The following CALN1 variants were observed in gnomAD, a reference collection of about 807,000 sequenced individuals.
The protein encoded by CALN1 is calcium-binding protein 8.
A neutral mutation model predicts 30.6 loss-of-function variants in CALN1; 17 were observed. That is an observed-to-expected ratio of 0.56 (90% CI 0.38 to 0.83). The LOEUF (loss-of-function observed/expected upper bound fraction) is 0.83. Ranked by LOEUF, CALN1 falls within the 40% of genes least tolerant of loss-of-function variation. The probability of loss-of-function intolerance (pLI) is 0.00; values close to 1 mark genes in which losing one functional copy is unlikely to be tolerated. For missense variants in CALN1, 291 were observed against 354.9 expected, an observed-to-expected ratio of 0.82 and a Z score of 1.45; for synonymous variants, 156 against 131.4, an observed-to-expected ratio of 1.19 and a Z score of -1.28.
chr7:72,080,653 A>C (rs1805074047), intron 4 of CALN1, among the ~76,000 whole-genome samples: 1 of 152,064 alleles, frequency 6.6e-6, no homozygotes, highest in Non-Finnish European at 1.5e-5. Context: ...AGAATGAGGA[A>C]GTGCCTGCTG....
At chr7:72,459,424 T>C in the CALN1 span, among the ~76,000 whole-genome samples, 3 of 152,076 alleles carry the variant, frequency 2.0e-5, no homozygotes, top group African/African-American at 7.2e-5. Context: ...TTCCTGACAT[T>C]GCCAAAATTT....
intron 2 of CALN1, among the ~76,000 whole-genome samples, chr7:72,286,519 C>T (rs915935305): frequency 1.3e-5 from 2 of 152,134 alleles, no homozygotes; most frequent in African/African-American, 4.8e-5. Context: ...CCTCAAATAA[C>T]CCAGAAATAT....
At chr7:72,244,750 G>A (rs1795054974) in intron 3 of CALN1, among the ~76,000 whole-genome samples, 2 of 151,900 alleles carry the variant, frequency 1.3e-5, no homozygotes, top group Non-Finnish European at 2.9e-5. Flanking sequence ...TAGCTTGCAG[G>A]CAGAAAAATG....
chr7:72,155,722 C>T (rs1585054258), intron 3 of CALN1, among the ~76,000 whole-genome samples: 3 of 152,234 alleles, frequency 2.0e-5, no homozygotes, highest in Middle Eastern at 3.4e-3. Flanking sequence ...ATTACCCTAA[C>T]TCTATGGCTT....
intron 5 of CALN1, among the ~76,000 whole-genome samples, chr7:71,868,482 C>T (rs1349359002): frequency 1.3e-5 from 2 of 151,774 alleles, no homozygotes; most frequent in Non-Finnish European, 2.9e-5. Flanking sequence ...AGCAATTCTC[C>T]TACCTCTGCC....
chr7:72,447,642 T>C (rs1808568622), upstream of CALN1, among the ~76,000 whole-genome samples: 1 of 152,066 alleles, frequency 6.6e-6, no homozygotes, highest in African/African-American at 2.4e-5. Context: ...CACACACGCC[T>C]ACCCATGTAC....
intron 5 of CALN1, among the ~76,000 whole-genome samples, chr7:71,991,054 G>C (rs559783626): frequency 2.2e-4 from 33 of 150,976 alleles, no homozygotes; most frequent in Admixed American, 9.2e-4. Flanking sequence ...AGTGAGGGGG[G>C]GGGTCGACAA....
intron 5 of CALN1, among the ~76,000 whole-genome samples, chr7:72,001,381 G>T (rs1367077899): frequency 6.6e-6 from 1 of 152,186 alleles, no homozygotes; most frequent in Non-Finnish European, 1.5e-5. Context: ...ACAGGTGCAT[G>T]ACCTTCTAGG....
chr7:72,059,481 TCA>T (rs1489080962), intron 4 of CALN1, among the ~76,000 whole-genome samples: 1 of 152,068 alleles, frequency 6.6e-6, no homozygotes, highest in African/African-American at 2.4e-5. Context: ...AGCCAGTAAG[TCA>T]ATACTTCAGG....
chr7:72,196,712 G>A (rs758059513), intron 3 of CALN1, among the ~76,000 whole-genome samples: 5 of 152,276 alleles, frequency 3.3e-5, no homozygotes, highest in Middle Eastern at 3.4e-3. Flanking sequence ...ATGCAAATAC[G>A]TGTTCACATA....
upstream of CALN1, among the ~76,000 whole-genome samples, chr7:72,451,188 G>GAGA (rs758368072): frequency 0.049 from 6,110 of 124,976 alleles, 276 homozygotes; most frequent in African/African-American, 0.088. Context: ...GCAGGAGGAG[G>GAGA]AGAAGAAGAA....
chr7:71,937,855 C>T (rs931339788), intron 5 of CALN1, among the ~76,000 whole-genome samples: 5 of 152,232 alleles, frequency 3.3e-5, no homozygotes, highest in Non-Finnish European at 2.9e-5. Flanking sequence ...AAAAAGCAAT[C>T]TATGTTCCAT....
intron 5 of CALN1, among the ~76,000 whole-genome samples, chr7:71,903,400 A>G (rs56139620): frequency 0.11 from 17,383 of 152,210 alleles, 1,678 homozygotes; most frequent in East Asian, 0.42. Context: ...ATAAATCCAC[A>G]TATTTACAGC....
chr7:71,865,363 A>T (rs1376338207), intron 5 of CALN1, among the ~76,000 whole-genome samples: 1 of 152,170 alleles, frequency 6.6e-6, no homozygotes, highest in East Asian at 1.9e-4. Flanking sequence ...CTTCTCCAGG[A>T]GGTGGAGGCA....
In CALN1 at chr7:71,855,169, T is replaced by C. The variant is rs915061236; in HGVS notation, c.502-44677A>G. Among the ~76,000 whole-genome samples the C allele has an allele frequency of 8.5e-5, 13 of 152,260 alleles. No homozygotes were observed. In the East Asian group the frequency reaches 2.5e-3, roughly 29 times the overall value. ...ATGCTAAGGGGAATTGAAAAATAAATATGCATTCTAGCGTCGTTCTCCAAG... is the reference window on the plus strand; with the variant it reads ...ATGCTAAGGGGAATTGAAAAATAAACATGCATTCTAGCGTCGTTCTCCAAG... On this transcript the variant is annotated intron_variant, in intron 5 of 6. Transcript: ENST00000395275.
intron 3 of CALN1, among the ~76,000 whole-genome samples, chr7:72,264,890 A>G (rs1796509106): frequency 6.6e-6 from 1 of 152,064 alleles, no homozygotes. Flanking sequence ...CTATGTGACC[A>G]TGTGTTCTCA....
At chr7:72,034,795 CA>C (rs57756121) in intron 4 of CALN1, among the ~76,000 whole-genome samples, 3,140 of 52,516 alleles carry the variant, frequency 0.06, 38 homozygotes, top group African/African-American at 0.19. Flanking sequence ...GACTCTGTCT[CA>C]AAAAAAAAAA....
At chr7:72,251,325 G>A (rs1023603213) in intron 3 of CALN1, among the ~76,000 whole-genome samples, 2 of 152,034 alleles carry the variant, frequency 1.3e-5, no homozygotes, top group African/African-American at 4.8e-5. Context: ...TCATCCTTCA[G>A]GGCCCATCTC....
the CALN1 span, among the ~76,000 whole-genome samples, chr7:72,468,306 G>GC: frequency 6.4e-4 from 97 of 152,174 alleles, no homozygotes; most frequent in Non-Finnish European, 1.2e-3. Context: ...GTGTTCAACT[G>GC]CTTTTTTTTG....
Sources: allele counts gnomAD v4.1 joint callset (sites outside exome capture counted in the v4.1 genomes callset), GRCh38; gene constraint gnomAD v4.1.1; transcripts MANE v1.5; gene names NCBI Gene and HGNC (gene_info 2026-07-23, HGNC 2026-07-21).